Variants in DCUN1D2 observed in about 807,000 individuals in gnomAD.
DCUN1D2 encodes the protein DCN1-like protein 2.
DCUN1D2 carries 29 observed loss-of-function variants against 30.9 expected under a neutral mutation model. The ratio of observed to expected loss-of-function variants is 0.94; its 90% CI spans 0.70 to 1.28. DCUN1D2 has a LOEUF of 1.28. DCUN1D2 is among the 50% of genes most tolerant of loss of function. DCUN1D2 has a pLI of 0.00. For synonymous variants in DCUN1D2, 121 were observed against 115.3 expected (o/e 1.05, Z -0.32); for missense variants, 325 against 316.9 (o/e 1.03, Z -0.19).
intron 4 of DCUN1D2, among the ~76,000 whole-genome samples, chr13:113,466,228 T>C (rs1003187047): frequency 1.3e-5 from 2 of 152,218 alleles, no homozygotes; most frequent in African/African-American, 2.4e-5. Flanking sequence ...ATACTGATGA[T>C]AGTTACTGAG....
In DCUN1D2 at chr13:113,483,573, C is replaced by T. The variant is rs377226099; in HGVS notation, c.220+267G>A. 1.8e-3 allele frequency among the ~76,000 whole-genome samples: 276 copies of T among 152,358 alleles called. 2 individuals carry two copies. Among genetic ancestry groups the T allele is most frequent in the African/African-American group, 6.2e-3 (258 of 41,596 alleles). ...CTGACAGGCTGTGCAGCGTCAGACT[C>T]ACCGCACAGAACAAGCGGGCACGGG... On this transcript the variant is annotated intron_variant, in intron 2 of 6. Transcript: ENST00000478244.
intron 1 of DCUN1D2, among the ~76,000 whole-genome samples, chr13:113,486,337 A>C (rs1008642476): frequency 6.6e-6 from 1 of 152,158 alleles, no homozygotes; most frequent in Non-Finnish European, 1.5e-5. Context: ...AACAGACACC[A>C]GGGCCTGCTT....
chr13:113,480,518 T>A, intron 3 of DCUN1D2, 57 bp downstream of exon 3: 1 of 1,590,824 alleles, frequency 6.3e-7, no homozygotes, highest in African/African-American at 1.4e-5. Context: ...TGCTGAAAAA[T>A]AATGTTAGAA....
chr13:113,460,928 T>C, intron 5 of DCUN1D2, 126 bp downstream of exon 5: 5 of 610,922 alleles, frequency 8.2e-6, no homozygotes, highest in Non-Finnish European at 1.1e-5. Flanking sequence ...TGCGGATCTT[T>C]GTGTGGGATG....
rs778599746 is a variant in DCUN1D2, at chr13:113,483,880, C to G, written c.180G>C (p.Val60=). 1 of 1,613,324 alleles carries G rather than the reference C, an allele frequency of 6.2e-7. No homozygotes were observed. The highest frequency in any genetic ancestry group is 1.7e-5 in the Admixed American group (1 of 60,024). Residue 60 remains valine, a synonymous_variant, in exon 2 of 7, where the codon GTG becomes GTC. Coordinates refer to ENST00000478244, the MANE Select transcript of DCUN1D2 (RefSeq NM_001014283.2). ...ACAGCCGCTCCAGCTTCTTCTTGTC[C>G]ACAGCGTTCCGCATGGACTCCCTGT... ...SLHRESMRNA[V]DKKKLERLYG...
chr13:113,466,896 T>C (rs952209576), intron 4 of DCUN1D2, among the ~76,000 whole-genome samples: 5 of 142,966 alleles, frequency 3.5e-5, no homozygotes, highest in African/African-American at 1.0e-4. Flanking sequence ...AAGCTCCACC[T>C]CCTGGGTTCA....
intron 5 of DCUN1D2, among the ~76,000 whole-genome samples, chr13:113,459,933 T>G (rs1283100684): frequency 6.6e-6 from 1 of 152,210 alleles, no homozygotes; most frequent in Non-Finnish European, 1.5e-5. Context: ...CTCCTGTGGA[T>G]GGTCACTGGC....
chr13:113,468,127 C>T (rs1323843847), intron 4 of DCUN1D2, among the ~76,000 whole-genome samples: 2 of 150,290 alleles, frequency 1.3e-5, no homozygotes, highest in Non-Finnish European at 1.5e-5. Context: ...GTGTTATTCA[C>T]AATAGCCAAA....
intron 1 of DCUN1D2, chr13:113,489,020 C>G: frequency 1.6e-6 from 1 of 616,134 alleles, no homozygotes; most frequent in African/African-American, 2.0e-5. Context: ...CTCATATAAT[C>G]TGGCACCAAG....
chr13:113,461,201 A>G, intron 4 of DCUN1D2, 65 bp from the exon 5 acceptor site: 2 of 993,952 alleles, frequency 2.0e-6, no homozygotes, highest in Non-Finnish European at 3.1e-6. Context: ...ACAAAAAACG[A>G]CCACTTCTTA....
chr13:113,467,783 C>A (rs2044430746), intron 4 of DCUN1D2, among the ~76,000 whole-genome samples: 1 of 152,138 alleles, frequency 6.6e-6, no homozygotes, highest in South Asian at 2.1e-4. Context: ...GTGGCTCATG[C>A]CTGTAATCCC....
At chr13:113,484,684 C>T (rs552556010) in intron 1 of DCUN1D2, among the ~76,000 whole-genome samples, 4 of 152,206 alleles carry the variant, frequency 2.6e-5, no homozygotes, top group Non-Finnish European at 5.9e-5. Flanking sequence ...AAAAATAGGA[C>T]AGAGGCTCTG....
intron 4 of DCUN1D2, among the ~76,000 whole-genome samples, chr13:113,465,395 C>T (rs1273174792): frequency 6.6e-6 from 1 of 152,038 alleles, no homozygotes; most frequent in African/African-American, 2.4e-5. Context: ...ATGATCGTTA[C>T]ACTCAGACCT....
intron 4 of DCUN1D2, among the ~76,000 whole-genome samples, chr13:113,461,507 C>T (rs1487767368): frequency 1.3e-5 from 2 of 152,182 alleles, no homozygotes; most frequent in African/African-American, 2.4e-5. Flanking sequence ...GCCTGAGTGT[C>T]GAACTGCAAA....
At chr13:113,475,107 T>C (rs1466700392) in intron 3 of DCUN1D2, among the ~76,000 whole-genome samples, 10 of 152,050 alleles carry the variant, frequency 6.6e-5, no homozygotes, top group Non-Finnish European at 1.2e-4. Context: ...GGAAAGAACA[T>C]TGAAGAAAGC....
Position 113,456,577 on chromosome 13 carries a change from A to G in DCUN1D2, c.*1452T>C, listed in dbSNP as rs2044229642. On this transcript the variant is annotated 3_prime_UTR_variant, in exon 7 of 7. Coordinates refer to ENST00000478244, the MANE Select transcript of DCUN1D2 (RefSeq NM_001014283.2). ...GGGGGCAGCAAGGCACGCCTGTGACATGAGAGTCTCGGCACGTGAGGTAGG... is the reference window on the plus strand; with the variant it reads ...GGGGGCAGCAAGGCACGCCTGTGACGTGAGAGTCTCGGCACGTGAGGTAGG... 1 of 393,084 alleles carries G rather than the reference A, an allele frequency of 2.5e-6. No homozygotes were observed. Among genetic ancestry groups the G allele is most frequent in the Non-Finnish European group, 4.5e-6 (1 of 222,814 alleles). The allele number at this position is 393,084 out of a possible 1,614,324, so 24.3% of individuals were successfully genotyped here.
intron 2 of DCUN1D2, among the ~76,000 whole-genome samples, chr13:113,482,034 C>T (rs956850139): frequency 2.0e-5 from 3 of 152,162 alleles, no homozygotes; most frequent in Non-Finnish European, 4.4e-5. Flanking sequence ...TCTCCTAATT[C>T]TATACTTCAT....
At position 113,490,012 on chromosome 13, in the gene DCUN1D2, G is replaced by T. The variant is rs1254831452; in HGVS notation, c.3+655C>A. The stretch of plus-strand genomic sequence containing the variant: ...GCAGCACCTTGCTGGCCTCTGAACC[G>T]ATGTGGACTGAATAAATCCCATCCA... On this transcript the variant is annotated intron_variant, in intron 1 of 6. Coordinates refer to ENST00000478244, the MANE Select transcript of DCUN1D2 (RefSeq NM_001014283.2). The surrounding 1 kb of genome is among the most constrained non-coding windows in gnomAD (Gnocchi z 5.2). Among the ~76,000 whole-genome samples, 1 of 152,130 alleles carries T rather than the reference G, an allele frequency of 6.6e-6. No homozygotes were observed. Among genetic ancestry groups the T allele is most frequent in the East Asian group, 1.9e-4 (1 of 5,170 alleles).
intron 4 of DCUN1D2, among the ~76,000 whole-genome samples, chr13:113,465,881 A>G (rs2044395242): frequency 6.6e-6 from 1 of 151,500 alleles, no homozygotes; most frequent in Non-Finnish European, 1.5e-5. Context: ...AGATATATAT[A>G]GATAGATAGA....
Sources: gnomAD v4.1 joint callset for allele counts (sites outside exome capture counted in the v4.1 genomes callset) on GRCh38, gnomAD v4.1.1 for gene constraint, Gnocchi (gnomAD v3.1) non-coding constraint, MANE v1.5 for transcripts, NCBI Gene and HGNC (gene_info 2026-07-23, HGNC 2026-07-21) for gene names.